MICU2: variants seen among roughly 807,000 people sequenced by gnomAD.
The protein encoded by MICU2 is calcium uptake protein 2, mitochondrial.
MICU2 carries 64 observed loss-of-function variants against 60.4 expected under a neutral mutation model. The observed-to-expected ratio is 1.06, with a 90% CI of 0.87 to 1.31. MICU2 has a LOEUF of 1.31. MICU2 is among the 50% of genes most tolerant of loss of function. The probability of loss-of-function intolerance (pLI) is 0.00; values close to 1 mark genes in which losing one functional copy is unlikely to be tolerated. For synonymous variants in MICU2, 201 were observed against 175.0 expected, an observed-to-expected ratio of 1.15 and a Z score of -1.17; for missense variants, 569 against 531.0, an observed-to-expected ratio of 1.07 and a Z score of -0.70.
At chr13:21,583,125 C>G (rs901863723) in intron 1 of MICU2, among the ~76,000 whole-genome samples, 1 of 152,094 alleles carries the variant, frequency 6.6e-6, no homozygotes, top group East Asian at 1.9e-4. Context: ...TGGGCTAGCT[C>G]ATGCCTGTAG....
At chr13:21,549,019 T>A (rs1467623045) in intron 2 of MICU2, among the ~76,000 whole-genome samples, 1 of 145,570 alleles carries the variant, frequency 6.9e-6, no homozygotes, top group African/African-American at 2.5e-5. Flanking sequence ...CTCTGCCTCC[T>A]GGGTTACACC....
chr13:21,557,083 G>A (rs929835014), intron 2 of MICU2, among the ~76,000 whole-genome samples: 1 of 152,174 alleles, frequency 6.6e-6, no homozygotes, highest in Admixed American at 6.6e-5. Context: ...GAGGAACAGA[G>A]AGCTTGGGAA....
intron 2 of MICU2, among the ~76,000 whole-genome samples, chr13:21,561,645 T>C (rs1317198284): frequency 6.6e-6 from 1 of 151,798 alleles, no homozygotes; most frequent in East Asian, 1.9e-4. Flanking sequence ...TTTTGATTAG[T>C]GTTAGCAATT....
intron 4 of MICU2, among the ~76,000 whole-genome samples, chr13:21,523,775 C>A (rs1321620944): frequency 6.6e-6 from 1 of 152,168 alleles, no homozygotes; most frequent in Non-Finnish European, 1.5e-5. Flanking sequence ...ATGAGTAGTA[C>A]AGCAGGATTT....
intron 1 of MICU2, among the ~76,000 whole-genome samples, chr13:21,582,659 C>T (rs1888372235): frequency 6.6e-6 from 1 of 152,142 alleles, no homozygotes; most frequent in Non-Finnish European, 1.5e-5. Flanking sequence ...ATTCTAATTA[C>T]CTGCTCATTC....
intron 2 of MICU2, among the ~76,000 whole-genome samples, chr13:21,546,798 C>T (rs1031572538): frequency 4.6e-5 from 7 of 152,014 alleles, no homozygotes; most frequent in African/African-American, 1.7e-4. Flanking sequence ...TCTGAGATTG[C>T]TAATTTAAAA....
intron 1 of MICU2, among the ~76,000 whole-genome samples, chr13:21,581,616 A>G (rs1252344020): frequency 6.6e-6 from 1 of 152,228 alleles, no homozygotes; most frequent in Non-Finnish European, 1.5e-5. Flanking sequence ...AATAATTAGT[A>G]AAATAAAATG....
At chr13:21,506,520 CTT>C (rs957316837) in intron 8 of MICU2, among the ~76,000 whole-genome samples, 3 of 152,170 alleles carry the variant, frequency 2.0e-5, no homozygotes, top group African/African-American at 7.2e-5. Context: ...GGAAATGTGT[CTT>C]TTTGATTTTA....
chr13:21,547,430 A>T (rs1887442710), intron 2 of MICU2, among the ~76,000 whole-genome samples: 1 of 152,136 alleles, frequency 6.6e-6, no homozygotes, highest in African/African-American at 2.4e-5. Flanking sequence ...CAGCCCTCAT[A>T]GATCTCTCTG....
chr13:21,601,536 CT>C (rs1888814556), intron 1 of MICU2, among the ~76,000 whole-genome samples: 1 of 151,858 alleles, frequency 6.6e-6, no homozygotes, highest in Admixed American at 6.6e-5. Flanking sequence ...GGAAGGAGAG[CT>C]GAGAGTTGGG....
intron 4 of MICU2, among the ~76,000 whole-genome samples, chr13:21,531,741 A>T (rs1887006203): frequency 6.6e-6 from 1 of 152,182 alleles, no homozygotes; most frequent in African/African-American, 2.4e-5. Flanking sequence ...GTTCCATCAG[A>T]GCTGGTCTGC....
At chr13:21,553,002 T>A (rs1887612386) in intron 2 of MICU2, among the ~76,000 whole-genome samples, 1 of 152,198 alleles carries the variant, frequency 6.6e-6, no homozygotes, top group Non-Finnish European at 1.5e-5. Context: ...TGGCGTTGAA[T>A]CTATAAATTA....
chr13:21,560,300 C>T (rs1176883078), intron 2 of MICU2, among the ~76,000 whole-genome samples: 2 of 151,526 alleles, frequency 1.3e-5, no homozygotes, highest in Non-Finnish European at 2.9e-5. Context: ...GCTTGTTTTC[C>T]ATATGCATAT....
At chr13:21,532,359 C>A (rs999982429) in intron 4 of MICU2, among the ~76,000 whole-genome samples, 1 of 152,144 alleles carries the variant, frequency 6.6e-6, no homozygotes, top group African/African-American at 2.4e-5. Context: ...CATACTTATG[C>A]CTCAAAAATA....
chr13:21,579,949 T>G (rs963332835), intron 1 of MICU2, among the ~76,000 whole-genome samples: 3 of 152,190 alleles, frequency 2.0e-5, no homozygotes, highest in Admixed American at 2.0e-4. Flanking sequence ...TTTGGTTATT[T>G]TTCTGTTTTG....
intron 1 of MICU2, among the ~76,000 whole-genome samples, chr13:21,576,408 T>C (rs565876518): frequency 1.5e-4 from 23 of 152,240 alleles, no homozygotes; most frequent in Admixed American, 4.6e-4. Flanking sequence ...AGTGGTGCTA[T>C]TGGGGGGCTG....
chr13:21,553,867 G>A (rs1887634715), intron 2 of MICU2, among the ~76,000 whole-genome samples: 1 of 152,092 alleles, frequency 6.6e-6, no homozygotes, highest in Admixed American at 6.5e-5. Flanking sequence ...ACAAAAAAAG[G>A]CAGGGGTTGC....
chr13:21,599,776 A>G (rs973154799), intron 1 of MICU2, among the ~76,000 whole-genome samples: 16 of 152,226 alleles, frequency 1.1e-4, no homozygotes, highest in African/African-American at 3.9e-4. Flanking sequence ...GTCAGAAACA[A>G]ATTTGTGACA....
chr13:21,498,093 A>G (rs942909593), intron 9 of MICU2, among the ~76,000 whole-genome samples: 3 of 151,656 alleles, frequency 2.0e-5, no homozygotes, highest in Non-Finnish European at 4.4e-5. Context: ...TCCCTGCCTG[A>G]AAAAAAAAGT....
Sources: allele counts gnomAD v4.1 joint callset (sites outside exome capture counted in the v4.1 genomes callset), GRCh38; gene constraint gnomAD v4.1.1; transcripts MANE v1.5; gene names NCBI Gene and HGNC (gene_info 2026-07-23, HGNC 2026-07-21).